Variants in ZNF326 observed in about 807,000 individuals in gnomAD.
ZNF326 encodes zinc finger protein 326.
ZNF326 carries 30 observed loss-of-function variants against 63.1 expected under a neutral mutation model. The ratio of observed to expected loss-of-function variants is 0.48; its 90% CI spans 0.36 to 0.64. ZNF326 has a LOEUF of 0.64. ZNF326 is among the 30% of genes least tolerant of loss of function. The pLI, the probability that ZNF326 is intolerant of heterozygous loss-of-function variation, is 0.00. For synonymous variants in ZNF326, 194 were observed against 228.2 expected (o/e 0.85, Z 1.35); for missense variants, 609 against 720.3 (o/e 0.85, Z 1.77).
Position 90,032,622 on chromosome 1 carries a change from G to C in ZNF326, c.*4921G>C, listed in dbSNP as rs931000583. 2.0e-5 allele frequency: 3 copies of C among 152,180 alleles called. No homozygotes were observed. Among genetic ancestry groups the C allele is most frequent in the Non-Finnish European group, 4.4e-5 (3 of 68,032 alleles). 9.4% of individuals were successfully genotyped at this position (152,180 alleles called of 1,614,324 possible). On this transcript the variant is annotated 3_prime_UTR_variant, in exon 12 of 12. Transcript: ENST00000340281. ...GAATTAGATCTTGGTGAAACCAAGA[G>C]AGCCAAGGAACTGACAGCCACATGC... is the stretch of plus-strand genomic sequence containing the variant.
At chr1:90,011,306 A>C (rs1036334022) in intron 6 of ZNF326, among the ~76,000 whole-genome samples, 2 of 152,196 alleles carry the variant, frequency 1.3e-5, no homozygotes, top group Admixed American at 6.5e-5. Context: ...TTGCTATGCT[A>C]TAGTATAGAC....
rs761454055 is a variant in ZNF326 at position 90,027,441 on chromosome 1, A to G, written c.1489A>G (p.Ile497Val). The change falls in exon 12 of 12, where the codon ATT becomes GTT. Residue 497 changes from isoleucine (I) to valine (V), a missense_variant. Physicochemically the swap from Ile to Val is conservative, Grantham distance 29 (BLOSUM62 3). Transcript: ENST00000340281. ...EEDEEKIDEPIEEEEDEDEEE... is the reference protein window; with the variant it reads ...EEDEEKIDEPVEEEEDEDEEE... ...GGATGAAGAGAAGATTGATGAACCT[A>G]TTGAAGAAGAGGAGGATGAAGATGA... The G allele has an allele frequency of 5.2e-5, 84 of 1,613,490 alleles. 1 individual carries two copies. The Admixed American group carries it at 1.1e-3, about 21-fold the overall frequency.
intron 7 of ZNF326, among the ~76,000 whole-genome samples, chr1:90,014,182 CA>C (rs1649386574): frequency 6.6e-6 from 1 of 151,264 alleles, no homozygotes; most frequent in South Asian, 2.1e-4. Flanking sequence ...TACAGAAAAA[CA>C]AAATGTTCTG....
At chr1:90,008,607 G>T (rs1427232118) in intron 5 of ZNF326, among the ~76,000 whole-genome samples, 1 of 152,106 alleles carries the variant, frequency 6.6e-6, no homozygotes, top group Non-Finnish European at 1.5e-5. Flanking sequence ...TATATAGTTT[G>T]ATCATTTAAA....
At chr1:90,011,255 AT>A (rs1649217386) in intron 6 of ZNF326, among the ~76,000 whole-genome samples, 1 of 152,158 alleles carries the variant, frequency 6.6e-6, no homozygotes, top group Admixed American at 6.5e-5. Flanking sequence ...TAAAATGGGC[AT>A]TTAAAAAGAT....
At chr1:90,017,611 ATTAC>A in intron 8 of ZNF326, 147 bp downstream of exon 8, 1 of 693,766 alleles carries the variant, frequency 1.4e-6, no homozygotes, top group East Asian at 3.3e-5. Flanking sequence ...TTAACTCAGA[ATTAC>A]TTGTGAATTC....
At chr1:90,012,763 G>T (rs1224176480) in intron 6 of ZNF326, among the ~76,000 whole-genome samples, 1 of 152,130 alleles carries the variant, frequency 6.6e-6, no homozygotes, top group Non-Finnish European at 1.5e-5. Context: ...TGCTCGGTCA[G>T]GTTACTTTAG....
chr1:90,018,650 A>C (rs1416146797), intron 8 of ZNF326, 35 bp from the exon 9 acceptor site: 1 of 1,308,794 alleles, frequency 7.6e-7, no homozygotes, highest in Non-Finnish European at 1.1e-6. Context: ...GTGCTCATTG[A>C]AAGCTATTTA....
chr1:90,010,870 C>T lies in ZNF326; in HGVS notation c.814+584C>T, dbSNP rs111678763. On this transcript the variant is annotated intron_variant, in intron 6 of 11. Transcript: ENST00000340281. ...GTACTTAAATTACTTTCTCATCAGG[C>T]CTTATTGTTTAATAAGAAACAATAT... Among the ~76,000 whole-genome samples, 137 of 152,122 alleles carry T rather than the reference C, an allele frequency of 9.0e-4. 5 individuals carry two copies. The highest frequency in any genetic ancestry group is 3.1e-3 in the African/African-American group (130 of 41,490).
intron 11 of ZNF326, among the ~76,000 whole-genome samples, chr1:90,026,986 A>G (rs1313361233): frequency 2.0e-5 from 3 of 152,164 alleles, no homozygotes; most frequent in African/African-American, 4.8e-5. Context: ...TAATACTCAT[A>G]TAATTAAGCA....
At chr1:90,008,959 A>T (rs1490203014) in intron 5 of ZNF326, among the ~76,000 whole-genome samples, 3 of 152,166 alleles carry the variant, frequency 2.0e-5, no homozygotes, top group African/African-American at 7.2e-5. Context: ...TTACAGTTCC[A>T]CTATACTTCA....
In ZNF326 at chr1:90,005,003, G is replaced by A; in HGVS notation, c.62G>A (p.Gly21Glu). 6.2e-7 allele frequency: 1 copy of A among 1,613,698 alleles called. No homozygotes were observed. ...CAATTTCTTATTGACTCTCTTTTAG[G>A]AATGGATCGTGATTATGGCCCTGGA... ...ACRNTYQGFN[G>E]MDRDYGPGSY... The change falls in exon 3 of 12, where the codon GGA (glycine) becomes GAA (glutamate). Residue 21 changes from glycine (G) to glutamate (E), a missense_variant and splice_region_variant. Gly to Glu is a moderately conservative substitution (Grantham distance 98, BLOSUM62 -2). This residue lies in a region of ZNF326 where 97 missense variants were observed against 88.7 expected (regional missense o/e 1.09). Transcript: ENST00000340281.
In ZNF326 at chr1:90,027,921, T is replaced by G. The variant is rs1266588601; in HGVS notation, c.*220T>G. 3.8e-6 allele frequency: 2 copies of G among 524,292 alleles called. No homozygotes were observed. Among genetic ancestry groups the G allele is most frequent in the Non-Finnish European group, 6.7e-6 (2 of 300,634 alleles). The allele number at this position is 524,292 out of a possible 1,614,324, so 32.5% of individuals were successfully genotyped here. A position where few individuals can be genotyped will look rare whatever the true frequency, so the allele number is the denominator to read the frequency against. On this transcript the variant is annotated 3_prime_UTR_variant, in exon 12 of 12. Transcript: ENST00000340281. Reference sequence around the variant, plus strand: ...TTATAGCTACCAGACTTAGATCCGATAAATTGTTTGTATAATTTTTAAGCT... The same window carrying G: ...TTATAGCTACCAGACTTAGATCCGAGAAATTGTTTGTATAATTTTTAAGCT...
rs1285002835 is a variant in ZNF326, at chr1:90,029,308, A to G, written c.*1607A>G. On this transcript the variant is annotated 3_prime_UTR_variant, in exon 12 of 12. Transcript: ENST00000340281. ...CAGTTTTTTTTTTTTGAGGTGAACT[A>G]GGTTTGCCTAGCTTTAAGCTAGCAA... The G allele has an allele frequency of 1.3e-5, 2 of 150,592 alleles. No homozygotes were observed. Among genetic ancestry groups the G allele is most frequent in the African/African-American group, 2.4e-5 (1 of 40,956 alleles). The allele number at this position is 150,592 out of a possible 1,614,324, so 9.3% of individuals were successfully genotyped here.
chr1:89,999,023 A>G (rs1013308362), intron 2 of ZNF326, among the ~76,000 whole-genome samples: 1 of 152,226 alleles, frequency 6.6e-6, no homozygotes, highest in Non-Finnish European at 1.5e-5. Flanking sequence ...AAAAAGGCTT[A>G]ACATATAGGG....
intron 10 of ZNF326, among the ~76,000 whole-genome samples, chr1:90,021,655 A>G (rs1053715944): frequency 1.3e-5 from 2 of 152,284 alleles, no homozygotes; most frequent in African/African-American, 2.4e-5. Context: ...AAAGATTCAG[A>G]TATTAAAGCC....
At chr1:89,999,409 G>C (rs577243505) in intron 2 of ZNF326, among the ~76,000 whole-genome samples, 1 of 152,260 alleles carries the variant, frequency 6.6e-6, no homozygotes, top group East Asian at 1.9e-4. Context: ...GGATTTACTG[G>C]ATAGTTGGAT....
rs756481421 is a variant in ZNF326, at chr1:90,013,178, G to A, written c.867G>A (p.Arg289=). 1.2e-5 allele frequency: 19 copies of A among 1,612,778 alleles called. No individual in the cohort carries two copies. In the South Asian group the frequency reaches 1.2e-4, roughly 10 times the overall value. Residue 289 remains arginine (R), a synonymous_variant, in exon 7 of 12, where the codon CGG becomes CGA. Transcript: ENST00000340281. ...AAGAAAAGCGGCGAATTGAGGCTCG[G>A]CGAGAGAAACAAAGGCGCAGAAGAG... ...EEEEKRRIEA[R]REKQRRRREK...
At chr1:90,021,504 C>T (rs551677540) in intron 10 of ZNF326, among the ~76,000 whole-genome samples, 2 of 152,116 alleles carry the variant, frequency 1.3e-5, no homozygotes, top group Non-Finnish European at 2.9e-5. Flanking sequence ...AGTAGAATAT[C>T]CCTGAAAAAT....
Sources: gnomAD v4.1 joint callset for allele counts (sites outside exome capture counted in the v4.1 genomes callset) on GRCh38, gnomAD v4.1.1 for gene constraint, gnomAD v4.1.1 regional missense constraint, MANE v1.5 for transcripts, NCBI Gene and HGNC (gene_info 2026-07-23, HGNC 2026-07-21) for gene names.